IGSF11: variants seen among roughly 807,000 people sequenced by gnomAD.
IGSF11 encodes the protein CXADR like 1.
IGSF11 carries 22 observed loss-of-function variants against 41.0 expected under a neutral mutation model. The observed-to-expected ratio is 0.54, with a 90% CI of 0.38 to 0.77. The LOEUF (loss-of-function observed/expected upper bound fraction) is 0.77, where lower values mean the gene tolerates loss of function less well. Among genes scored for constraint, IGSF11 ranks in the 30% least tolerant of loss-of-function variants. The pLI, the probability that IGSF11 is intolerant of heterozygous loss-of-function variation, is 0.00. For synonymous variants in IGSF11, 219 were observed against 201.3 expected, an observed-to-expected ratio of 1.09 and a Z score of -0.74; for missense variants, 444 against 530.8, an observed-to-expected ratio of 0.84 and a Z score of 1.61.
At chr3:119,053,800 T>A (rs1260480779) in intron 1 of IGSF11, among the ~76,000 whole-genome samples, 1 of 151,554 alleles carries the variant, frequency 6.6e-6, no homozygotes, top group Non-Finnish European at 1.5e-5. Flanking sequence ...AACAGCATGG[T>A]ACTGTTATAA....
At chr3:118,956,844 GACTC>G (rs1373974041) in intron 1 of IGSF11, among the ~76,000 whole-genome samples, 1 of 152,174 alleles carries the variant, frequency 6.6e-6, no homozygotes, top group Admixed American at 6.5e-5. Context: ...AGTGCTGATA[GACTC>G]ACTAGATGCA....
At chr3:118,933,188 T>G (rs1188567632) in intron 1 of IGSF11, among the ~76,000 whole-genome samples, 1 of 152,332 alleles carries the variant, frequency 6.6e-6, no homozygotes, top group Non-Finnish European at 1.5e-5. Context: ...CTTTCAGAAC[T>G]TGCAAAGGTG....
At chr3:118,956,938 T>G (rs956856861) in intron 1 of IGSF11, among the ~76,000 whole-genome samples, 1 of 152,094 alleles carries the variant, frequency 6.6e-6, no homozygotes, top group Admixed American at 6.6e-5. Flanking sequence ...AAACAAGGTA[T>G]GCCTCTGTGA....
In IGSF11 at chr3:118,989,683, G is replaced by A. The variant is rs187257548; in HGVS notation, c.52+44848C>T. 2.5e-3 allele frequency among the ~76,000 whole-genome samples: 380 copies of A among 152,192 alleles called. 4 individuals are homozygous for A. Among genetic ancestry groups the A allele is most frequent in the Non-Finnish European group, 1.5e-3 (104 of 68,010 alleles). ...TATAGCATTTTAATAGTAATTTTAG[G>A]TCTGTTGAAGCTAACAATTTTTTAA... On this transcript the variant is annotated intron_variant, in intron 1 of 6. Transcript: ENST00000393775.
chr3:118,969,444 C>G (rs1933115755), intron 1 of IGSF11, among the ~76,000 whole-genome samples: 2 of 152,112 alleles, frequency 1.3e-5, no homozygotes, highest in African/African-American at 2.4e-5. Context: ...GCGTAAAGGA[C>G]AGGTTCAGGT....
chr3:118,966,977 C>T (rs72968625), intron 1 of IGSF11, among the ~76,000 whole-genome samples: 52 of 151,860 alleles, frequency 3.4e-4, no homozygotes, highest in African/African-American at 1.3e-3. Context: ...GTAATTCTAC[C>T]CAAAAGATAA....
chr3:119,112,536 C>T (rs2077193353), intron 1 of IGSF11: 1 of 152,544 alleles, frequency 6.6e-6, no homozygotes, highest in Non-Finnish European at 1.5e-5. Flanking sequence ...TCCCTGACCC[C>T]TTGCGCTTCC....
chr3:118,983,920 T>C (rs552041885), intron 1 of IGSF11, among the ~76,000 whole-genome samples: 4 of 152,284 alleles, frequency 2.6e-5, no homozygotes, highest in South Asian at 2.1e-4. Flanking sequence ...TCTTGGCACA[T>C]TTCCTCTCAG....
intron 1 of IGSF11, among the ~76,000 whole-genome samples, chr3:119,072,083 A>G (rs952049882): frequency 1.3e-5 from 2 of 152,222 alleles, no homozygotes; most frequent in African/African-American, 4.8e-5. Flanking sequence ...AAAGTTGCCT[A>G]AAAACTTTCA....
At chr3:119,001,468 T>C (rs1356173011) in intron 1 of IGSF11, among the ~76,000 whole-genome samples, 1 of 55,584 alleles carries the variant, frequency 1.8e-5, no homozygotes, top group South Asian at 6.9e-4. Flanking sequence ...CCAGGTTTTC[T>C]TTTTTTTTTT....
intron 1 of IGSF11, among the ~76,000 whole-genome samples, chr3:119,057,188 T>C: frequency 6.6e-6 from 1 of 152,200 alleles, no homozygotes; most frequent in Middle Eastern, 3.2e-3. Context: ...AAATTGTCCC[T>C]GTTTGCAGAC....
chr3:119,012,079 T>G (rs1331119154), intron 1 of IGSF11, among the ~76,000 whole-genome samples: 1 of 151,900 alleles, frequency 6.6e-6, no homozygotes, highest in African/African-American at 2.4e-5. Flanking sequence ...GAATTACTGG[T>G]GGCAAGTTGA....
At chr3:118,983,953 C>T (rs867262241) in intron 1 of IGSF11, among the ~76,000 whole-genome samples, 15 of 151,956 alleles carry the variant, frequency 9.9e-5, no homozygotes, top group African/African-American at 3.1e-4. Context: ...TTTTAGCTTC[C>T]GTCAGTGGGT....
chr3:119,012,944 T>C (rs1029543400), intron 1 of IGSF11: 1 of 152,308 alleles, frequency 6.6e-6, no homozygotes, highest in African/African-American at 2.4e-5. Flanking sequence ...AAAGTCCAAA[T>C]ATCTGGTGCT....
intron 1 of IGSF11, among the ~76,000 whole-genome samples, chr3:119,122,530 T>C (rs554228480): frequency 1.4e-4 from 21 of 152,198 alleles, no homozygotes; most frequent in Non-Finnish European, 2.2e-4. Context: ...TCAGAGCCAG[T>C]GGACTAGGGG....
intron 1 of IGSF11, among the ~76,000 whole-genome samples, chr3:119,002,291 T>C (rs1936978657): frequency 6.7e-6 from 1 of 148,440 alleles, no homozygotes; most frequent in Non-Finnish European, 1.5e-5. Flanking sequence ...TGTCTGTTCA[T>C]GTCCTTCACC....
intron 1 of IGSF11, among the ~76,000 whole-genome samples, chr3:119,049,375 T>C (rs944200529): frequency 6.6e-6 from 1 of 151,956 alleles, no homozygotes; most frequent in African/African-American, 2.4e-5. Context: ...GAGAGCCAAA[T>C]CATGAGTGAA....
chr3:119,128,970 A>T (rs1178574467), intron 1 of IGSF11, among the ~76,000 whole-genome samples: 2 of 152,248 alleles, frequency 1.3e-5, no homozygotes, highest in Non-Finnish European at 2.9e-5. Context: ...ACACTATGGA[A>T]TACTATGAAG....
intron 1 of IGSF11, among the ~76,000 whole-genome samples, chr3:119,111,057 C>G (rs577169713): frequency 1.7e-3 from 255 of 152,080 alleles, no homozygotes; most frequent in African/African-American, 5.7e-3. Context: ...GTGAATCTGA[C>G]AATTATGTGT....
Sources: allele counts gnomAD v4.1 joint callset (sites outside exome capture counted in the v4.1 genomes callset), GRCh38; gene constraint gnomAD v4.1.1; transcripts MANE v1.5; gene names NCBI Gene and HGNC (gene_info 2026-07-23, HGNC 2026-07-21).